The following PCDHA2 variants were observed in gnomAD, a reference collection of about 807,000 sequenced individuals.
PCDHA2 encodes the protein protocadherin alpha 2.
Under a neutral mutation model 66.0 loss-of-function variants are expected in PCDHA2, and 58 were observed. The observed-to-expected ratio is 0.88, with a 90% CI of 0.71 to 1.09. PCDHA2 has a LOEUF of 1.09. PCDHA2 is among the 50% of genes least tolerant of loss of function. PCDHA2 has a pLI of 0.00. For synonymous variants in PCDHA2, 634 were observed against 554.0 expected (o/e 1.14, Z -2.03); for missense variants, 1,267 against 1,242.3 (o/e 1.02, Z -0.30).
intron 1 of PCDHA2, chr5:140,967,333 C>T (rs113984883): frequency 1.9e-6 from 3 of 1,608,148 alleles, no homozygotes; most frequent in Admixed American, 1.7e-5. Context: ...AGCTCAGCCC[C>T]AGCGAGCACT....
intron 3 of PCDHA2, among the ~76,000 whole-genome samples, chr5:140,997,287 A>G (rs1011963664): frequency 2.0e-5 from 3 of 152,280 alleles, no homozygotes; most frequent in Admixed American, 1.3e-4. Context: ...TCACTTAACA[A>G]TGGGGATACA....
intron 1 of PCDHA2, chr5:140,929,425 A>G (rs2086148550): frequency 6.7e-7 from 1 of 1,496,844 alleles, no homozygotes. Context: ...CATTTCATCA[A>G]TTGAACTAAA....
chr5:140,986,308 A>G (rs1399323765), intron 3 of PCDHA2, among the ~76,000 whole-genome samples: 1 of 152,162 alleles, frequency 6.6e-6, no homozygotes, highest in African/African-American at 2.4e-5. Context: ...AGAGAAAATT[A>G]GCTAAATCAG....
intron 1 of PCDHA2, chr5:140,823,073 C>T: frequency 6.2e-7 from 1 of 1,614,010 alleles, no homozygotes; most frequent in African/African-American, 1.3e-5. Context: ...GGCTCGCCTT[C>T]GCTGTGGGCC....
At chr5:140,888,198 G>A (rs1031899783) in intron 1 of PCDHA2, among the ~76,000 whole-genome samples, 2 of 152,044 alleles carry the variant, frequency 1.3e-5, no homozygotes, top group Admixed American at 6.6e-5. Flanking sequence ...TTACATTGTC[G>A]GATGCTGGAT....
At chr5:140,962,174 C>T (rs1365738124) in intron 1 of PCDHA2, among the ~76,000 whole-genome samples, 1 of 152,100 alleles carries the variant, frequency 6.6e-6, no homozygotes, top group Admixed American at 6.6e-5. Context: ...CACACCCGGC[C>T]ACTTATATCA....
rs58232896 is a variant in PCDHA2 at position 140,946,262 on chromosome 5, C to T, written c.2389-32687C>T. Among the ~76,000 whole-genome samples the T allele has an allele frequency of 3.4e-3, 520 of 151,790 alleles. 2 individuals are homozygous for T. Among genetic ancestry groups the T allele is most frequent in the African/African-American group, 0.012 (483 of 41,394 alleles). On this transcript the variant is annotated intron_variant, in intron 1 of 3. Transcript: ENST00000526136. Reference sequence around the variant, plus strand: ...AACATCATGAATCATCAGAAAAATGCGAATTAAAACCCCAATGAGATATCA... The same window carrying T: ...AACATCATGAATCATCAGAAAAATGTGAATTAAAACCCCAATGAGATATCA...
chr5:140,802,286 T>C (rs1554121995), intron 1 of PCDHA2: 2 of 1,614,132 alleles, frequency 1.2e-6, no homozygotes, highest in African/African-American at 2.7e-5. Flanking sequence ...TAGAAGACTC[T>C]CCACTTAGCA....
At chr5:140,835,389 G>T (rs2150234834) in intron 1 of PCDHA2, 2 of 1,613,958 alleles carry the variant, frequency 1.2e-6, no homozygotes, top group Admixed American at 1.7e-5. Context: ...TCATTGTACA[G>T]TTCTTGTGGA....
intron 2 of PCDHA2, among the ~76,000 whole-genome samples, chr5:140,981,854 C>T (rs2096954295): frequency 6.6e-6 from 1 of 152,132 alleles, no homozygotes; most frequent in South Asian, 2.1e-4. Flanking sequence ...GTATCTCACT[C>T]CCAGCAATGT....
At chr5:140,929,195 G>GT in intron 1 of PCDHA2, 2 of 1,614,140 alleles carry the variant, frequency 1.2e-6, no homozygotes, top group Non-Finnish European at 1.7e-6. Context: ...GATAATAACA[G>GT]TTTGCTGTTG....
intron 1 of PCDHA2, chr5:140,809,605 G>A (rs1414368210): frequency 5.2e-6 from 8 of 1,524,772 alleles, no homozygotes; most frequent in African/African-American, 1.4e-5. Flanking sequence ...TTTAATTTTC[G>A]TATTGTTTTT....
intron 1 of PCDHA2, chr5:140,809,680 C>CTTTT: frequency 7.5e-7 from 1 of 1,338,360 alleles, no homozygotes; most frequent in African/African-American, 1.5e-5. Flanking sequence ...AATTTTACCT[C>CTTTT]TTTTTACATA....
At chr5:141,003,515 G>T (rs1402480495) in intron 3 of PCDHA2, among the ~76,000 whole-genome samples, 1 of 152,114 alleles carries the variant, frequency 6.6e-6, no homozygotes, top group African/African-American at 2.4e-5. Context: ...GTTTCACCAT[G>T]TTCCCTAGGC....
At chr5:140,818,640 G>A (rs2150101817) in intron 1 of PCDHA2, among the ~76,000 whole-genome samples, 12 of 152,140 alleles carry the variant, frequency 7.9e-5, no homozygotes, top group Admixed American at 2.6e-4. Context: ...AGTTCAAGAT[G>A]AGCCTGAGCA....
chr5:140,969,822 G>A (rs559271640), intron 1 of PCDHA2, among the ~76,000 whole-genome samples: 68 of 152,320 alleles, frequency 4.5e-4, no homozygotes, highest in Non-Finnish European at 8.4e-4. Flanking sequence ...ACTCTGGACT[G>A]TCTACAGTGG....
At position 140,802,778 on chromosome 5, in the gene PCDHA2, G is replaced by A. The variant is rs144958581; in HGVS notation, c.2388+5426G>A. 75 of 1,613,072 alleles carry A rather than the reference G, an allele frequency of 4.6e-5. No individual in the cohort carries two copies. The African/African-American group carries it at 6.0e-4, about 13-fold the overall frequency. On this transcript the variant is annotated intron_variant, in intron 1 of 3. Coordinates refer to ENST00000526136, the MANE Select transcript of PCDHA2 (RefSeq NM_018905.3). ...CGCTGCAGCCGCTGGACCACGAGGA[G>A]CTAGAGCTGCTGCAGTTCCAGGTGA...
chr5:140,867,042 G>T lies in PCDHA2; in HGVS notation c.2388+69690G>T, dbSNP rs782113838. Reference sequence around the variant, plus strand: ...ATATCAAACTCTTTTATGACTTGGCGTTTGTTCAGTACTACTTTATATATT... The same window carrying T: ...ATATCAAACTCTTTTATGACTTGGCTTTTGTTCAGTACTACTTTATATATT... On this transcript the variant is annotated intron_variant, in intron 1 of 3. Transcript: ENST00000526136. The T allele has an allele frequency of 4.6e-5, 7 of 152,202 alleles. 1 individual carries two copies. Among genetic ancestry groups the T allele is most frequent in the African/African-American group, 1.7e-4 (7 of 41,564 alleles). 9.4% of individuals were successfully genotyped at this position (152,202 alleles called of 1,614,324 possible). A position where few individuals can be genotyped will look rare whatever the true frequency, so the allele number is the denominator to read the frequency against.
At chr5:140,816,507 T>TTGTG (rs2126672374) in intron 1 of PCDHA2, 29,348 of 149,446 alleles carry the variant, frequency 0.2, 2,964 homozygotes, top group Middle Eastern at 0.24. Flanking sequence ...GGAGGTGTGT[T>TTGTG]TGTGTGTGTG....
Sources: gnomAD v4.1 joint callset for allele counts (sites outside exome capture counted in the v4.1 genomes callset) on GRCh38, gnomAD v4.1.1 for gene constraint, MANE v1.5 for transcripts, NCBI Gene and HGNC (gene_info 2026-07-23, HGNC 2026-07-21) for gene names.